Variants in TGFBR2 observed in about 807,000 individuals in gnomAD.
TGFBR2 encodes the protein TGF-beta receptor type-2.
In TGFBR2, 18 loss-of-function variants were observed where a neutral mutation model predicts 49.0. That is an observed-to-expected ratio of 0.37 (90% CI 0.25 to 0.54). TGFBR2 has a LOEUF of 0.54. TGFBR2 is among the 20% of genes least tolerant of loss of function. TGFBR2 has a pLI of 0.85. For missense variants in TGFBR2, 525 were observed against 722.6 expected, an observed-to-expected ratio of 0.73 and a Z score of 3.13; for synonymous variants, 282 against 275.9, an observed-to-expected ratio of 1.02 and a Z score of -0.22.
chr3:30,634,906 G>T (rs916802686), intron 1 of TGFBR2, among the ~76,000 whole-genome samples: 4 of 152,136 alleles, frequency 2.6e-5, no homozygotes, highest in Non-Finnish European at 5.9e-5. Flanking sequence ...TATACCATTT[G>T]CATTTATATG....
At position 30,649,999 on chromosome 3, in the gene TGFBR2, C is replaced by T. The variant is rs141134498; in HGVS notation, c.264-271C>T. The stretch of plus-strand genomic sequence containing the variant: ...ATGTAAAGTTCTCCACCAGGACTGC[C>T]CCGTGGAACGCTGTCTGCTCCAGGT... On this transcript the variant is annotated intron_variant, in intron 2 of 6. Transcript: ENST00000295754. Among the ~76,000 whole-genome samples the T allele has an allele frequency of 1.6e-4, 24 of 152,196 alleles. No individual in the cohort carries two copies. The East Asian group carries it at 4.2e-3, about 27-fold the overall frequency.
intron 5 of TGFBR2, among the ~76,000 whole-genome samples, chr3:30,681,160 GAA>G (rs55729736): frequency 2.4e-5 from 2 of 83,004 alleles, no homozygotes; most frequent in Non-Finnish European, 4.7e-5. Flanking sequence ...CTTGTGAGAT[GAA>G]AAAAAAAAAA....
At position 30,644,816 on chromosome 3, in the gene TGFBR2, A is replaced by T. The variant is rs549429104; in HGVS notation, c.164A>T (p.Asp55Val). ...VKFPQLCKFCDVRFSTCDNQK... is the reference protein window; with the variant it reads ...VKFPQLCKFCVVRFSTCDNQK... ...TTTCCACAACTGTGTAAATTTTGTG[A>T]TGTGAGATTTTCCACCTGTGACAAC... The change falls in exon 2 of 7, where the codon GAT (aspartate) becomes GTT (valine). Residue 55 changes from aspartate to valine, a missense_variant. Physicochemically the swap from Asp to Val is radical, Grantham distance 152. Coordinates refer to ENST00000295754, the MANE Select transcript of TGFBR2 (RefSeq NM_003242.6). 6.2e-7 allele frequency: 1 copy of T among 1,614,140 alleles called. No homozygotes were observed. Among genetic ancestry groups the T allele is most frequent in the East Asian group, 2.2e-5 (1 of 44,878 alleles).
At chr3:30,634,926 T>G (rs1698502027) in intron 1 of TGFBR2, among the ~76,000 whole-genome samples, 1 of 152,224 alleles carries the variant, frequency 6.6e-6, no homozygotes, top group Non-Finnish European at 1.5e-5. Context: ...GGCTTAACTT[T>G]TTTAACTGGC....
chr3:30,620,048 G>A (rs879348853), intron 1 of TGFBR2, among the ~76,000 whole-genome samples: 10 of 152,264 alleles, frequency 6.6e-5, no homozygotes, highest in African/African-American at 9.6e-5. Context: ...TTAGCTGGGC[G>A]TGGTGGCGGG....
chr3:30,679,148 G>A, intron 5 of TGFBR2, among the ~76,000 whole-genome samples: 1 of 152,306 alleles, frequency 6.6e-6, no homozygotes, highest in Middle Eastern at 3.4e-3. Flanking sequence ...CACTTAACTA[G>A]TCTGTTTTTA....
At chr3:30,660,726 G>C (rs1699107600) in intron 3 of TGFBR2, among the ~76,000 whole-genome samples, 1 of 152,216 alleles carries the variant, frequency 6.6e-6, no homozygotes, top group Non-Finnish European at 1.5e-5. Flanking sequence ...AATTGCTTTG[G>C]AACAAGGTCA....
intron 1 of TGFBR2, among the ~76,000 whole-genome samples, chr3:30,612,916 G>A (rs1363134361): frequency 1.3e-5 from 2 of 152,084 alleles, no homozygotes; most frequent in African/African-American, 4.8e-5. Flanking sequence ...GCCACAGTCA[G>A]CTTTCTAGGT....
At chr3:30,637,037 CTGGG>C (rs1320897541) in intron 1 of TGFBR2, among the ~76,000 whole-genome samples, 4 of 148,202 alleles carry the variant, frequency 2.7e-5, no homozygotes, top group African/African-American at 1.0e-4. Flanking sequence ...GCACTCCAGC[CTGGG>C]TGACAGAGCA....
intron 1 of TGFBR2, among the ~76,000 whole-genome samples, chr3:30,611,748 A>G (rs1162836357): frequency 1.3e-5 from 2 of 152,144 alleles, no homozygotes; most frequent in East Asian, 1.9e-4. Flanking sequence ...TGTAGCCACC[A>G]CTGCCTACTC....
At chr3:30,623,160 A>G (rs1341946515) in intron 1 of TGFBR2, 8 of 1,124,764 alleles carry the variant, frequency 7.1e-6, no homozygotes, top group South Asian at 1.3e-5. Flanking sequence ...AATTTTAAAA[A>G]CAGCTCTCTG....
intron 3 of TGFBR2, among the ~76,000 whole-genome samples, chr3:30,667,647 T>C (rs1468752407): frequency 1.3e-5 from 2 of 152,216 alleles, no homozygotes; most frequent in East Asian, 1.9e-4. Flanking sequence ...ATTTCTGTTT[T>C]TGTGTTTCCT....
At chr3:30,607,692 T>C (rs1697947772) in intron 1 of TGFBR2, among the ~76,000 whole-genome samples, 1 of 151,560 alleles carries the variant, frequency 6.6e-6, no homozygotes, top group Non-Finnish European at 1.5e-5. Flanking sequence ...GAGTTGATGG[T>C]TCTATGCAAT....
Position 30,691,951 on chromosome 3 carries a change from A to G in TGFBR2, c.*352A>G, listed in dbSNP as rs565524213. On this transcript the variant is annotated 3_prime_UTR_variant, in exon 7 of 7. Coordinates refer to ENST00000295754, the MANE Select transcript of TGFBR2 (RefSeq NM_003242.6). ...TATCTATATATGTCTATAGCTCTATATATATAGCCATACCTTGAAAAGAGA... is the reference window on the plus strand; with the variant it reads ...TATCTATATATGTCTATAGCTCTATGTATATAGCCATACCTTGAAAAGAGA... 9 of 219,338 alleles carry G rather than the reference A, an allele frequency of 4.1e-5. No homozygotes were observed. Among genetic ancestry groups the G allele is most frequent in the East Asian group, 4.1e-4 (6 of 14,690 alleles). The allele number at this position is 219,338 out of a possible 1,614,324, so 13.6% of individuals were successfully genotyped here.
intron 5 of TGFBR2, among the ~76,000 whole-genome samples, chr3:30,680,926 C>T (rs946195441): frequency 6.6e-5 from 10 of 151,998 alleles, no homozygotes; most frequent in East Asian, 1.9e-4. Context: ...CGGGTGAAGG[C>T]GGGTGAAGGC....
intron 4 of TGFBR2, among the ~76,000 whole-genome samples, chr3:30,673,731 A>T (rs550411594): frequency 6.6e-6 from 1 of 152,362 alleles, no homozygotes; most frequent in East Asian, 1.9e-4. Context: ...GAATAAAAAA[A>T]AATTCAATTT....
chr3:30,689,781 T>C (rs1372702578), intron 6 of TGFBR2, among the ~76,000 whole-genome samples: 1 of 152,242 alleles, frequency 6.6e-6, no homozygotes, highest in Non-Finnish European at 1.5e-5. Flanking sequence ...TGTATAGTTC[T>C]CGTAATGATG....
chr3:30,670,954 G>A (rs1262204764), intron 3 of TGFBR2, among the ~76,000 whole-genome samples: 2 of 152,246 alleles, frequency 1.3e-5, no homozygotes, highest in African/African-American at 4.8e-5. Context: ...GCCCAGGGTA[G>A]CCTGAATGCT....
rs1052703555 is a variant in TGFBR2, at chr3:30,611,758, C to T, written c.94+4781C>T. ...GGTCTTGTAGCCACCACTGCCTACT[C>T]TAGAGTAGCGTGGATATTATTTAGG... On this transcript the variant is annotated intron_variant, in intron 1 of 6. Transcript: ENST00000295754. Among the ~76,000 whole-genome samples the T allele has an allele frequency of 1.4e-4, 21 of 152,090 alleles. 1 individual carries two copies. The highest frequency in any genetic ancestry group is 1.2e-3 in the Admixed American group (18 of 15,270).
Sources: gnomAD v4.1 joint callset for allele counts (sites outside exome capture counted in the v4.1 genomes callset) on GRCh38, gnomAD v4.1.1 for gene constraint, MANE v1.5 for transcripts, NCBI Gene and HGNC (gene_info 2026-07-23, HGNC 2026-07-21) for gene names.